The following SNAP91 variants were observed in gnomAD, a reference collection of about 807,000 sequenced individuals.
SNAP91 encodes clathrin coat assembly protein AP180.
A neutral mutation model predicts 100.3 loss-of-function variants in SNAP91; 27 were observed. The observed-to-expected ratio is 0.27, with a 90% confidence interval of 0.20 to 0.37. The LOEUF (loss-of-function observed/expected upper bound fraction) is 0.37. Ranked by LOEUF, SNAP91 falls within the 10% of genes least tolerant of loss-of-function variation. SNAP91 has a pLI of 1.00. For missense variants in SNAP91, 986 were observed against 1,123.7 expected (o/e 0.88, Z 1.75); for synonymous variants, 404 against 398.6 (o/e 1.01, Z -0.16).
At chr6:83,632,374 G>A (rs1344300328) in intron 8 of SNAP91, among the ~76,000 whole-genome samples, 1 of 152,058 alleles carries the variant, frequency 6.6e-6, no homozygotes, top group Admixed American at 6.5e-5. Context: ...TCTAGGTAAT[G>A]TTCTTTTTGT....
At chr6:83,695,014 A>G (rs145088534) in intron 2 of SNAP91, among the ~76,000 whole-genome samples, 5 of 152,220 alleles carry the variant, frequency 3.3e-5, no homozygotes, top group African/African-American at 9.6e-5. Flanking sequence ...GCTCATGCCT[A>G]CAATCCCAAT....
rs555990627 is a variant in SNAP91 at position 83,663,627 on chromosome 6, C to G, written c.274-1205G>C. Among the ~76,000 whole-genome samples the G allele has an allele frequency of 3.7e-4, 57 of 152,122 alleles. 1 individual carries two copies. Among genetic ancestry groups the G allele is most frequent in the South Asian group, 8.3e-4 (4 of 4,818 alleles). On this transcript the variant is annotated intron_variant, in intron 3 of 29. Transcript: ENST00000369694. Reference sequence around the variant, plus strand: ...GAAACTGCAGAATAAAAGTTTGATGCTAGCAGAGGTTAGTTCATGAGGTTT... The same window carrying G: ...GAAACTGCAGAATAAAAGTTTGATGGTAGCAGAGGTTAGTTCATGAGGTTT...
intron 22 of SNAP91, among the ~76,000 whole-genome samples, chr6:83,588,801 T>C (rs1009689685): frequency 3.9e-5 from 6 of 152,124 alleles, no homozygotes; most frequent in African/African-American, 1.4e-4. Flanking sequence ...ATATCTCAGG[T>C]TCTAGCCTTG....
At chr6:83,597,399 T>C (rs914893073) in intron 16 of SNAP91, among the ~76,000 whole-genome samples, 2 of 152,234 alleles carry the variant, frequency 1.3e-5, no homozygotes, top group African/African-American at 4.8e-5. Flanking sequence ...TCATTATAAA[T>C]GGCAGCATTA....
chr6:83,619,999 A>C (rs896304562), intron 9 of SNAP91, among the ~76,000 whole-genome samples: 7 of 152,222 alleles, frequency 4.6e-5, no homozygotes, highest in Admixed American at 2.6e-4. Context: ...GTTCTTACCC[A>C]AAACAGTTAT....
intron 3 of SNAP91, among the ~76,000 whole-genome samples, chr6:83,664,635 T>C (rs951645866): frequency 6.6e-6 from 1 of 152,252 alleles, no homozygotes; most frequent in East Asian, 1.9e-4. Context: ...AGAAAGAAAG[T>C]AGTTTCTTGA....
intron 2 of SNAP91, among the ~76,000 whole-genome samples, chr6:83,707,392 A>C (rs1280104986): frequency 6.6e-6 from 1 of 152,024 alleles, no homozygotes; most frequent in Non-Finnish European, 1.5e-5. Flanking sequence ...ACCTTCCATA[A>C]ATTCATCTTT....
chr6:83,690,429 T>C, intron 2 of SNAP91: 1 of 1,288,302 alleles, frequency 7.8e-7, no homozygotes, highest in Non-Finnish European at 1.0e-6. Flanking sequence ...GAAAGAAGGT[T>C]TGTAGGTCTA....
At chr6:83,662,611 G>A (rs1252885439) in intron 3 of SNAP91, among the ~76,000 whole-genome samples, 189 bp from the exon 4 acceptor site, 3 of 151,736 alleles carry the variant, frequency 2.0e-5, no homozygotes, top group Admixed American at 6.6e-5. Context: ...TAAATTGTAC[G>A]ATCTTTCATT....
chr6:83,555,044 G>A (rs1028285637), intron 29 of SNAP91, among the ~76,000 whole-genome samples: 2 of 152,122 alleles, frequency 1.3e-5, no homozygotes, highest in East Asian at 3.9e-4. Context: ...CTAAGTAAGA[G>A]GTGAATACAG....
At chr6:83,677,634 C>T (rs1018106378) in intron 2 of SNAP91, among the ~76,000 whole-genome samples, 1 of 152,144 alleles carries the variant, frequency 6.6e-6, no homozygotes, top group African/African-American at 2.4e-5. Context: ...CTTGTTGTGG[C>T]ATTAACAATG....
At chr6:83,678,935 T>C (rs1360086951) in intron 2 of SNAP91, 16 of 1,070,108 alleles carry the variant, frequency 1.5e-5, no homozygotes, top group African/African-American at 1.8e-5. Context: ...AAAGAAATAA[T>C]ATCTAAGTGA....
In SNAP91 at chr6:83,657,770, A is replaced by AT. The variant is rs11364155; in HGVS notation, c.547-906dup. 2.8e-3 allele frequency among the ~76,000 whole-genome samples: 400 copies of AT among 142,678 alleles called. 6 individuals carry two copies. In the East Asian group the frequency reaches 0.044, roughly 16 times the overall value. The allele number at this position is 142,678 out of a possible 152,430, so 93.6% of individuals were successfully genotyped here. On this transcript the variant is annotated intron_variant, in intron 6 of 29. Transcript: ENST00000369694. ...TTTACTTTCATGAATCAGATTTCAGATTTTTTTTTTTTTTGAGACAGAGTC... is the reference window on the plus strand; with the variant it reads ...TTTACTTTCATGAATCAGATTTCAGATTTTTTTTTTTTTTTGAGACAGAGTC...
In SNAP91 at chr6:83,556,136, T is replaced by TA; in HGVS notation, c.*10+6dup. 6.8e-7 allele frequency: 1 copy of TA among 1,474,880 alleles called. No homozygotes were observed. Among genetic ancestry groups the TA allele is most frequent in the Non-Finnish European group, 9.3e-7 (1 of 1,076,742 alleles). The allele number at this position is 1,474,880 out of a possible 1,614,324, so 91.4% of individuals were successfully genotyped here. On this transcript the variant is annotated splice_region_variant and intron_variant, in intron 29 of 29. Transcript: ENST00000369694. ...CAAGCCTACAGGAAAAGCTCAATAT[T>TA]AGATACCTTAAATTGTTTACAAGAA...
chr6:83,696,006 C>T (rs1038839221), intron 2 of SNAP91, among the ~76,000 whole-genome samples: 1 of 152,084 alleles, frequency 6.6e-6, no homozygotes, highest in Non-Finnish European at 1.5e-5. Context: ...TCACAGCCCA[C>T]TCATTAGCAC....
intron 12 of SNAP91, among the ~76,000 whole-genome samples, chr6:83,608,775 C>T (rs1319132903): frequency 1.3e-5 from 2 of 151,894 alleles, no homozygotes; most frequent in East Asian, 3.9e-4. Flanking sequence ...CAAGAATATA[C>T]TAATCCAAAA....
At chr6:83,588,616 C>T (rs181425982) in intron 22 of SNAP91, among the ~76,000 whole-genome samples, 94 of 152,318 alleles carry the variant, frequency 6.2e-4, no homozygotes, top group African/African-American at 2.0e-3. Flanking sequence ...AGGTGACAAA[C>T]CCCTTCAGGC....
At chr6:83,578,202 A>C (rs563238794) in intron 24 of SNAP91, among the ~76,000 whole-genome samples, 3 of 152,248 alleles carry the variant, frequency 2.0e-5, no homozygotes, top group Admixed American at 2.0e-4. Context: ...TTTTGTGTGC[A>C]TACACATTTT....
intron 28 of SNAP91, among the ~76,000 whole-genome samples, chr6:83,556,530 CT>C (rs1214242254): frequency 5.9e-5 from 9 of 152,142 alleles, no homozygotes; most frequent in African/African-American, 2.2e-4. Context: ...TATACTTCAA[CT>C]GATATTTGGC....
Sources: gnomAD v4.1 joint callset for allele counts (sites outside exome capture counted in the v4.1 genomes callset) on GRCh38, gnomAD v4.1.1 for gene constraint, MANE v1.5 for transcripts, NCBI Gene and HGNC (gene_info 2026-07-23, HGNC 2026-07-21) for gene names.